The following ENAH variants were observed in gnomAD, a reference collection of about 807,000 sequenced individuals.
ENAH encodes ENAH actin regulator.
ENAH carries 23 observed loss-of-function variants against 78.7 expected under a neutral mutation model. That is an observed-to-expected ratio of 0.29 (90% confidence interval 0.21 to 0.41). The LOEUF is 0.41. Among genes scored for constraint, ENAH ranks in the 10% least tolerant of loss-of-function variants. ENAH has a pLI of 1.00. For missense variants in ENAH, 544 were observed against 691.0 expected, an observed-to-expected ratio of 0.79 and a Z score of 2.39; for synonymous variants, 226 against 241.0, an observed-to-expected ratio of 0.94 and a Z score of 0.58.
chr1:225,560,149 C>A (rs1220646732), intron 2 of ENAH, among the ~76,000 whole-genome samples: 3 of 151,996 alleles, frequency 2.0e-5, no homozygotes, highest in Admixed American at 1.3e-4. Context: ...ACTCTGTTTA[C>A]TAGAACCTAG....
intron 1 of ENAH, among the ~76,000 whole-genome samples, chr1:225,607,528 A>AAAAAAC (rs1388597195): frequency 1.3e-5 from 2 of 152,040 alleles, no homozygotes; most frequent in Non-Finnish European, 2.9e-5. Flanking sequence ...AAAAAAAAAA[A>AAAAAAC]AAAAACACCT....
In ENAH at chr1:225,647,695, C is replaced by T. The variant is rs76075917; in HGVS notation, c.5+4991G>A. On this transcript the variant is annotated intron_variant, in intron 1 of 13. Coordinates refer to ENST00000366843, the MANE Select transcript of ENAH (RefSeq NM_018212.6). ...TATCCACCAAATACTACACTACACC[C>T]TACAATATCCAGTAGAGCTTCTAGA... Among the ~76,000 whole-genome samples, 874 of 152,274 alleles carry T rather than the reference C, an allele frequency of 5.7e-3. 2 individuals carry two copies. Among genetic ancestry groups the T allele is most frequent in the Non-Finnish European group, 9.9e-3 (674 of 68,028 alleles).
intron 4 of ENAH, among the ~76,000 whole-genome samples, chr1:225,520,931 AGGG>A (rs2096462539): frequency 7.4e-3 from 4 of 542 alleles, no homozygotes; most frequent in Non-Finnish European, 0.023. Flanking sequence ...GAAGGGAGGG[AGGG>A]AGGGAGGGAG....
chr1:225,597,597 G>T (rs1163807392), intron 1 of ENAH, among the ~76,000 whole-genome samples: 3 of 148,788 alleles, frequency 2.0e-5, no homozygotes, highest in Non-Finnish European at 4.4e-5. Context: ...GGTACAGGCT[G>T]CAGTTAGCCA....
At chr1:225,575,664 G>A (rs1033692453) in intron 1 of ENAH, among the ~76,000 whole-genome samples, 2 of 152,016 alleles carry the variant, frequency 1.3e-5, no homozygotes, top group Admixed American at 6.6e-5. Context: ...ATCTGTCCTT[G>A]AGAATTCAGA....
At chr1:225,516,809 G>A (rs757563559) in intron 6 of ENAH, among the ~76,000 whole-genome samples, 37 of 151,830 alleles carry the variant, frequency 2.4e-4, no homozygotes, top group Non-Finnish European at 4.9e-4. Context: ...GGGAGGTGGA[G>A]GTTGCAGTGA....
At chr1:225,555,227 C>A (rs770740631) in intron 2 of ENAH, 144 bp from the exon 3 acceptor site, 4 of 599,386 alleles carry the variant, frequency 6.7e-6, no homozygotes, top group Non-Finnish European at 1.1e-5. Context: ...TGGGTAAAAT[C>A]TACACAAATA....
intron 3 of ENAH, among the ~76,000 whole-genome samples, chr1:225,543,056 T>C (rs2096597270): frequency 6.6e-6 from 1 of 151,898 alleles, no homozygotes; most frequent in African/African-American, 2.4e-5. Context: ...TATTCTAAGA[T>C]TGATAGGAAG....
chr1:225,601,576 A>C (rs539555148), intron 1 of ENAH, among the ~76,000 whole-genome samples: 1 of 152,166 alleles, frequency 6.6e-6, no homozygotes, highest in Admixed American at 6.5e-5. Context: ...ATTAAAAAAG[A>C]AAGTCCTAAA....
intron 7 of ENAH, 131 bp downstream of exon 7, chr1:225,514,465 G>T: frequency 1.2e-6 from 1 of 859,936 alleles, no homozygotes; most frequent in South Asian, 1.6e-5. Flanking sequence ...TTGCGCCAGG[G>T]TAAATTATTT....
chr1:225,535,483 T>TA (rs1398117624), intron 3 of ENAH: 11 of 1,295,512 alleles, frequency 8.5e-6, no homozygotes, highest in Admixed American at 4.6e-5. Flanking sequence ...CTTGAAAAAG[T>TA]AATGTAAACA....
chr1:225,581,187 C>T, intron 1 of ENAH: 1 of 736,568 alleles, frequency 1.4e-6, no homozygotes, highest in Non-Finnish European at 1.7e-6. Flanking sequence ...CACATACTTC[C>T]CTATCTTAAT....
intron 1 of ENAH, among the ~76,000 whole-genome samples, chr1:225,605,284 A>T (rs1267978191): frequency 6.6e-6 from 1 of 152,216 alleles, no homozygotes; most frequent in Non-Finnish European, 1.5e-5. Context: ...ACAAAACACT[A>T]CTTTGGGGAG....
In ENAH at chr1:225,491,810, ATAAC is replaced by A. The variant is rs1317120000; in HGVS notation, c.*5961_*5964del. ...CGATTTTCTAAGCCTTCTTAGAAGA[ATAAC>A]TATTTACTAAAACCCAACCAAACCA... On this transcript the variant is annotated 3_prime_UTR_variant, in exon 14 of 14. Transcript: ENST00000366843. The A allele has an allele frequency of 6.6e-6, 1 of 152,222 alleles. No individual in the cohort carries two copies. Among genetic ancestry groups the A allele is most frequent in the African/African-American group, 2.4e-5 (1 of 41,458 alleles). The allele number at this position is 152,222 out of a possible 1,614,324, so 9.4% of individuals were successfully genotyped here.
intron 1 of ENAH, among the ~76,000 whole-genome samples, chr1:225,571,333 A>G (rs1286734371): frequency 6.6e-6 from 1 of 151,908 alleles, no homozygotes; most frequent in African/African-American, 2.4e-5. Context: ...AGATCATGCC[A>G]CTACACTCCA....
intron 1 of ENAH, among the ~76,000 whole-genome samples, chr1:225,599,356 T>C (rs1171760079): frequency 6.6e-6 from 1 of 151,950 alleles, no homozygotes; most frequent in Non-Finnish European, 1.5e-5. Context: ...TCTAAGAAAA[T>C]CTGGGTATGG....
chr1:225,515,076 T>C (rs768076959), intron 6 of ENAH, 176 bp from the exon 7 acceptor site: 1 of 647,218 alleles, frequency 1.5e-6, no homozygotes, highest in Non-Finnish European at 2.7e-6. Flanking sequence ...TACTGAAATG[T>C]AAGGTCCAAG....
chr1:225,522,315 T>C (rs1403666995), intron 4 of ENAH, among the ~76,000 whole-genome samples: 1 of 152,160 alleles, frequency 6.6e-6, no homozygotes, highest in Non-Finnish European at 1.5e-5. Context: ...ATTTGACAAA[T>C]ACATCAACCC....
At chr1:225,516,800 G>A (rs1211875318) in intron 6 of ENAH, among the ~76,000 whole-genome samples, 3 of 151,906 alleles carry the variant, frequency 2.0e-5, no homozygotes, top group Non-Finnish European at 4.4e-5. Context: ...CTGGAACCCG[G>A]GAGGTGGAGG....
Sources: gnomAD v4.1 joint callset for allele counts (sites outside exome capture counted in the v4.1 genomes callset) on GRCh38, gnomAD v4.1.1 for gene constraint, MANE v1.5 for transcripts, NCBI Gene and HGNC (gene_info 2026-07-23, HGNC 2026-07-21) for gene names.